The following USH2A variants were observed in gnomAD, a reference collection of about 807,000 sequenced individuals.
USH2A encodes the protein Usher syndrome 2A (autosomal recessive, mild).
A neutral mutation model predicts 538.9 loss-of-function variants in USH2A; 443 were observed. The ratio of observed to expected loss-of-function variants is 0.82; its 90% CI spans 0.76 to 0.89. USH2A has a LOEUF of 0.89. USH2A is among the 40% of genes least tolerant of loss of function. The pLI is 0.00. For synonymous variants in USH2A, 2,413 were observed against 2,273.5 expected (o/e 1.06, Z -1.75); for missense variants, 6,633 against 6,324.8 (o/e 1.05, Z -1.65).
At chr1:215,773,484 G>GTCTGTC (rs1661351676) in intron 55 of USH2A, among the ~76,000 whole-genome samples, 1 of 112,224 alleles carries the variant, frequency 8.9e-6, no homozygotes, top group African/African-American at 4.5e-5. Context: ...ATGTCTCTCT[G>GTCTGTC]TCTCTCTGTC....
chr1:216,174,118 G>T (rs2034326078), intron 21 of USH2A: 2 of 985,046 alleles, frequency 2.0e-6, no homozygotes, highest in Non-Finnish European at 2.4e-6. Flanking sequence ...TGCATCAGCA[G>T]CCAGTCTCAA....
At chr1:216,379,022 A>G (rs945642842) in intron 3 of USH2A, among the ~76,000 whole-genome samples, 1 of 152,130 alleles carries the variant, frequency 6.6e-6, no homozygotes, top group East Asian at 1.9e-4. Context: ...ACTCCACTAC[A>G]TCCTAGTCCC....
intron 61 of USH2A, among the ~76,000 whole-genome samples, chr1:215,710,222 T>G (rs1304265553): frequency 6.6e-6 from 1 of 152,136 alleles, no homozygotes; most frequent in African/African-American, 2.4e-5. Context: ...ATGGAAGAAT[T>G]TTCCTTGTCT....
intron 32 of USH2A, among the ~76,000 whole-genome samples, chr1:216,036,813 A>C (rs2102516307): frequency 6.6e-6 from 1 of 152,288 alleles, no homozygotes; most frequent in South Asian, 2.1e-4. Flanking sequence ...TGTAGATCAG[A>C]GGGTTCTGAA....
intron 52 of USH2A, among the ~76,000 whole-genome samples, chr1:215,785,436 G>A (rs373869786): frequency 3.3e-5 from 5 of 152,124 alleles, no homozygotes; most frequent in Non-Finnish European, 7.3e-5. Flanking sequence ...TTCTCATGGC[G>A]AGTAACTTTT....
intron 61 of USH2A, among the ~76,000 whole-genome samples, chr1:215,687,301 C>G (rs767393466): frequency 1.3e-5 from 2 of 151,834 alleles, no homozygotes; most frequent in African/African-American, 4.8e-5. Flanking sequence ...ACTGGGATCA[C>G]TTTAATGCTT....
chr1:216,102,859 G>A (rs180754942), intron 21 of USH2A, among the ~76,000 whole-genome samples: 3 of 152,216 alleles, frequency 2.0e-5, no homozygotes, highest in African/African-American at 4.8e-5. Flanking sequence ...TCATCCAGCC[G>A]TTCTACTCCT....
Position 216,354,269 on chromosome 1 carries a change from C to A in USH2A, c.784+10684G>T, listed in dbSNP as rs376429001. ...CTCTTCTTTGTAAAGGGAAAAACGC[C>A]AAAAAATATGATTTACTTCCACCTC... On this transcript the variant is annotated intron_variant, in intron 4 of 71. Coordinates refer to ENST00000307340, the MANE Select transcript of USH2A (RefSeq NM_206933.4). Among the ~76,000 whole-genome samples, 196 of 152,114 alleles carry A rather than the reference C, an allele frequency of 1.3e-3. 1 individual carries two copies. Among genetic ancestry groups the A allele is most frequent in the African/African-American group, 4.4e-3 (183 of 41,524 alleles).
chr1:216,289,478 A>G, intron 10 of USH2A, 68 bp from the exon 11 acceptor site: 12 of 1,605,256 alleles, frequency 7.5e-6, no homozygotes, highest in Non-Finnish European at 9.4e-6. Flanking sequence ...ATTCAAAATT[A>G]AAGACTGTAT....
At position 216,379,233 on chromosome 1, in the gene USH2A, G is replaced by A. The variant is rs557934945; in HGVS notation, c.652-14148C>T. The stretch of plus-strand genomic sequence containing the variant: ...CCCATGGAGGCTGTAAGCTCTATGC[G>A]TGCAGCACCAACTCAGTACTCTCCT... On this transcript the variant is annotated intron_variant, in intron 3 of 71. Transcript: ENST00000307340. Among the ~76,000 whole-genome samples, 19 of 152,254 alleles carry A rather than the reference G, an allele frequency of 1.2e-4. No homozygotes were observed. The South Asian group carries it at 2.7e-3, about 22-fold the overall frequency.
intron 21 of USH2A, among the ~76,000 whole-genome samples, chr1:216,147,164 G>T (rs1005254338): frequency 6.6e-6 from 1 of 151,502 alleles, no homozygotes; most frequent in South Asian, 2.1e-4. Flanking sequence ...CCCAAGCATC[G>T]CTGAGTCTTT....
At chr1:216,024,683 G>A (rs972560091) in intron 32 of USH2A, among the ~76,000 whole-genome samples, 2 of 151,934 alleles carry the variant, frequency 1.3e-5, no homozygotes, top group Non-Finnish European at 2.9e-5. Flanking sequence ...AATTCCATAA[G>A]TATTTGTTGG....
At position 215,817,036 on chromosome 1, in the gene USH2A, T is replaced by A. The variant is rs553898551; in HGVS notation, c.9531A>T (p.Glu3177Asp). 17 of 1,612,686 alleles carry A rather than the reference T, an allele frequency of 1.1e-5. No individual in the cohort carries two copies. The South Asian group carries it at 1.9e-4, about 18-fold the overall frequency. ...LCKAVRCQKP[E>D]SICGHICYSS... is the part of the protein sequence containing the mutation. Reference sequence around the variant, plus strand: ...AATAGCAAATGTGTCCACAGATAGATTCAGGTTTTTGACACCTCACTGCCT... The same window carrying A: ...AATAGCAAATGTGTCCACAGATAGAATCAGGTTTTTGACACCTCACTGCCT... The change falls in exon 48 of 72, where the codon GAA becomes GAT. Residue 3177 changes from glutamate (E) to aspartate (D), a missense_variant. Coordinates refer to ENST00000307340, the MANE Select transcript of USH2A (RefSeq NM_206933.4).
intron 13 of USH2A, among the ~76,000 whole-genome samples, chr1:216,232,992 C>T (rs1008196279): frequency 2.0e-5 from 3 of 152,196 alleles, no homozygotes; most frequent in Non-Finnish European, 4.4e-5. Flanking sequence ...ACCACCCAGT[C>T]CCGGAGGCCA....
chr1:215,830,943 T>C (rs553487230), intron 47 of USH2A, among the ~76,000 whole-genome samples: 1 of 152,270 alleles, frequency 6.6e-6, no homozygotes, highest in East Asian at 1.9e-4. Context: ...AAATAAGAAC[T>C]CTAACTTTCT....
intron 3 of USH2A, among the ~76,000 whole-genome samples, chr1:216,384,567 T>C (rs1013467147): frequency 1.3e-5 from 2 of 152,150 alleles, no homozygotes; most frequent in African/African-American, 4.8e-5. Flanking sequence ...CCCCTGAAAT[T>C]GTGCACACCC....
chr1:216,406,598 G>C (rs145147630), intron 3 of USH2A, among the ~76,000 whole-genome samples: 1 of 152,092 alleles, frequency 6.6e-6, no homozygotes, highest in Non-Finnish European at 1.5e-5. Flanking sequence ...GGGGTCTTGT[G>C]TTTCTTTAAT....
intron 9 of USH2A, among the ~76,000 whole-genome samples, chr1:216,312,231 TGAG>T (rs993850356): frequency 1.3e-5 from 2 of 152,148 alleles, no homozygotes; most frequent in African/African-American, 4.8e-5. Context: ...GCATGCTTTC[TGAG>T]GAGAAGTAGA....
At chr1:215,888,391 A>T (rs764214064) in intron 41 of USH2A, 35 bp downstream of exon 41, 10 of 1,610,782 alleles carry the variant, frequency 6.2e-6, no homozygotes, top group Middle Eastern at 2.2e-4. Context: ...TACATTCCTA[A>T]GTCTGCAAAG....
Sources: gnomAD v4.1 joint callset for allele counts (sites outside exome capture counted in the v4.1 genomes callset) on GRCh38, gnomAD v4.1.1 for gene constraint, MANE v1.5 for transcripts, NCBI Gene and HGNC (gene_info 2026-07-23, HGNC 2026-07-21) for gene names.